B3GALT1: variants seen among roughly 807,000 people sequenced by gnomAD.
The protein encoded by B3GALT1 is UDP-Gal:betaGlcNAc beta 1,3-galactosyltransferase, polypeptide 1.
B3GALT1 carries 10 observed loss-of-function variants against 23.2 expected under a neutral mutation model. The observed-to-expected ratio is 0.43, with a 90% CI of 0.27 to 0.73. The LOEUF is 0.73. B3GALT1 is among the 30% of genes least tolerant of loss of function. B3GALT1 has a pLI of 0.21. For synonymous variants in B3GALT1, 156 were observed against 141.5 expected (o/e 1.10, Z -0.73); for missense variants, 299 against 405.4 (o/e 0.74, Z 2.25).
At chr2:167,819,899 T>G (rs1226002421) in intron 4 of B3GALT1, among the ~76,000 whole-genome samples, 2 of 152,208 alleles carry the variant, frequency 1.3e-5, no homozygotes, top group African/African-American at 4.8e-5. Context: ...GATAGTTTTC[T>G]CCCTCCGCTT....
chr2:167,583,741 A>T (rs1375551408), intron 2 of B3GALT1, among the ~76,000 whole-genome samples: 1 of 152,086 alleles, frequency 6.6e-6, no homozygotes, highest in Non-Finnish European at 1.5e-5. Flanking sequence ...TAATTCTTAA[A>T]TTTTTTAATT....
At chr2:167,654,526 G>T (rs907340060) in intron 3 of B3GALT1, among the ~76,000 whole-genome samples, 1 of 151,974 alleles carries the variant, frequency 6.6e-6, no homozygotes, top group African/African-American at 2.4e-5. Flanking sequence ...TTGAGACAGG[G>T]CCTCACTGTG....
At chr2:167,531,497 C>CA (rs1160525969) in intron 2 of B3GALT1, among the ~76,000 whole-genome samples, 1 of 152,060 alleles carries the variant, frequency 6.6e-6, no homozygotes, top group African/African-American at 2.4e-5. Context: ...AAGCCAGTCA[C>CA]AAAAGGCATA....
chr2:167,607,624 T>C (rs1684989028), intron 2 of B3GALT1, among the ~76,000 whole-genome samples: 1 of 152,328 alleles, frequency 6.6e-6, no homozygotes, highest in Non-Finnish European at 1.5e-5. Context: ...AAAGCACTTG[T>C]TAAGCATGAG....
At chr2:167,550,092 G>A (rs1207620166) in intron 2 of B3GALT1, among the ~76,000 whole-genome samples, 4 of 151,960 alleles carry the variant, frequency 2.6e-5, no homozygotes, top group Non-Finnish European at 4.4e-5. Context: ...CTAACTCTAC[G>A]TTAACCGTAA....
chr2:167,862,790 C>T (rs980756366), intron 4 of B3GALT1: 1 of 152,182 alleles, frequency 6.6e-6, no homozygotes, highest in Non-Finnish European at 1.5e-5. Flanking sequence ...AGACAATCTA[C>T]CATGCAGTTT....
At chr2:167,778,286 C>G (rs978604261) in intron 3 of B3GALT1, among the ~76,000 whole-genome samples, 4 of 152,068 alleles carry the variant, frequency 2.6e-5, no homozygotes, top group African/African-American at 9.7e-5. Flanking sequence ...GTTTTATTTT[C>G]TCTTTTCCTC....
At chr2:167,492,681 G>T (rs1227458106) in intron 2 of B3GALT1, among the ~76,000 whole-genome samples, 1 of 152,196 alleles carries the variant, frequency 6.6e-6, no homozygotes, top group Non-Finnish European at 1.5e-5. Flanking sequence ...TAATAAGTAT[G>T]TTGTGGTTTT....
chr2:167,475,683 G>A (rs933347491), intron 1 of B3GALT1, among the ~76,000 whole-genome samples: 2 of 152,088 alleles, frequency 1.3e-5, no homozygotes, highest in Non-Finnish European at 2.9e-5. Context: ...AAGATCTACT[G>A]GGGGTCTTGG....
intron 3 of B3GALT1, among the ~76,000 whole-genome samples, chr2:167,780,123 C>T (rs1157107274): frequency 1.3e-5 from 2 of 152,130 alleles, no homozygotes; most frequent in East Asian, 3.9e-4. Flanking sequence ...TGTGTAACCT[C>T]CACCGTATTC....
chr2:167,767,412 T>A (rs1687996782), intron 3 of B3GALT1, among the ~76,000 whole-genome samples: 1 of 152,230 alleles, frequency 6.6e-6, no homozygotes, highest in Non-Finnish European at 1.5e-5. Flanking sequence ...TTTCACCCAA[T>A]CTTCACCACA....
intron 1 of B3GALT1, among the ~76,000 whole-genome samples, chr2:167,435,580 T>A (rs1041048622): frequency 6.6e-6 from 1 of 151,974 alleles, no homozygotes; most frequent in Non-Finnish European, 1.5e-5. Flanking sequence ...GTAAGACTCT[T>A]AGTTTTGCAG....
rs572916374 is a variant in B3GALT1, at chr2:167,495,845, A to G, written c.-410+5568A>G. On this transcript the variant is annotated intron_variant, in intron 2 of 4. Coordinates refer to ENST00000392690, the MANE Select transcript of B3GALT1 (RefSeq NM_020981.4). ...TGGTGAAGGGAATGAAGGTGAGGAA[A>G]GGCACCTCAGAATATTTGTGGAAGA... 3.9e-5 allele frequency among the ~76,000 whole-genome samples: 6 copies of G among 152,302 alleles called. No homozygotes were observed. The South Asian group carries it at 1.0e-3, about 26-fold the overall frequency.
intron 1 of B3GALT1, among the ~76,000 whole-genome samples, chr2:167,475,432 C>T (rs1388931437): frequency 1.3e-5 from 2 of 152,020 alleles, no homozygotes; most frequent in East Asian, 1.9e-4. Context: ...CCATAAAGTA[C>T]TTCCTTTAAA....
At chr2:167,420,450 C>G (rs1698529435) in intron 1 of B3GALT1, among the ~76,000 whole-genome samples, 1 of 152,184 alleles carries the variant, frequency 6.6e-6, no homozygotes. Flanking sequence ...GCTAGTTCAA[C>G]ATACAGTTAC....
chr2:167,844,081 A>C (rs528864657), intron 4 of B3GALT1, among the ~76,000 whole-genome samples: 2 of 152,346 alleles, frequency 1.3e-5, no homozygotes, highest in East Asian at 3.9e-4. Context: ...ACATGATTGG[A>C]ATATGGCAGT....
chr2:167,674,754 T>G (rs1686392717), intron 3 of B3GALT1, among the ~76,000 whole-genome samples: 1 of 152,222 alleles, frequency 6.6e-6, no homozygotes, highest in Non-Finnish European at 1.5e-5. Context: ...TGTCTGTTTT[T>G]TAAGAAATAC....
At chr2:167,604,548 A>G (rs1490002332) in intron 2 of B3GALT1, among the ~76,000 whole-genome samples, 4 of 152,206 alleles carry the variant, frequency 2.6e-5, no homozygotes, top group Admixed American at 6.5e-5. Context: ...TACCGTATCT[A>G]GTACCACACT....
chr2:167,484,285 C>T (rs1699595834), intron 1 of B3GALT1, among the ~76,000 whole-genome samples: 1 of 151,810 alleles, frequency 6.6e-6, no homozygotes, highest in Non-Finnish European at 1.5e-5. Context: ...GTACTAAGTA[C>T]TTTATGTCAA....
Sources: gnomAD v4.1 joint callset for allele counts (sites outside exome capture counted in the v4.1 genomes callset) on GRCh38, gnomAD v4.1.1 for gene constraint, MANE v1.5 for transcripts, NCBI Gene and HGNC (gene_info 2026-07-23, HGNC 2026-07-21) for gene names.